The following ERC2 variants were observed in gnomAD, a reference collection of about 807,000 sequenced individuals.
ERC2 encodes the protein ERC protein 2.
In ERC2, 42 loss-of-function variants were observed where a neutral mutation model predicts 114.8. The observed-to-expected ratio is 0.37, with a 90% CI of 0.29 to 0.47. ERC2 has a LOEUF of 0.47. ERC2 is among the 20% of genes least tolerant of loss of function. The pLI is 0.99. For synonymous variants in ERC2, 454 were observed against 425.5 expected, an observed-to-expected ratio of 1.07 and a Z score of -0.82; for missense variants, 939 against 1,150.7, an observed-to-expected ratio of 0.82 and a Z score of 2.66.
At chr3:56,278,065 G>A (rs1313158731) in intron 3 of ERC2, among the ~76,000 whole-genome samples, 1 of 152,220 alleles carries the variant, frequency 6.6e-6, no homozygotes, top group African/African-American at 2.4e-5. Context: ...GGGTTGTTGT[G>A]AGGATTAAAG....
chr3:55,885,794 C>G (rs541639464), intron 14 of ERC2, among the ~76,000 whole-genome samples: 1 of 152,270 alleles, frequency 6.6e-6, no homozygotes, highest in Non-Finnish European at 1.5e-5. Flanking sequence ...GTGCCAAACT[C>G]TCTGCTGAGA....
At chr3:55,798,923 G>A (rs1436959191) in intron 14 of ERC2, among the ~76,000 whole-genome samples, 1 of 152,108 alleles carries the variant, frequency 6.6e-6, no homozygotes, top group African/African-American at 2.4e-5. Context: ...TTTTATAAAT[G>A]CTTTAGAATT....
At chr3:55,728,249 C>A (rs1438180315) in intron 15 of ERC2, among the ~76,000 whole-genome samples, 2 of 152,086 alleles carry the variant, frequency 1.3e-5, no homozygotes, top group Non-Finnish European at 2.9e-5. Flanking sequence ...ATTCTCAGTC[C>A]TTATGGAGCT....
chr3:56,246,084 C>T lies in ERC2; in HGVS notation c.1074+49935G>A, dbSNP rs1338183354. On this transcript the variant is annotated intron_variant, in intron 3 of 17. Transcript: ENST00000288221. ...TCTTCCCTAATCATCAGTTTTTCCTCAGATTCTTTAAAAAAAAAAAAAAAA... is the reference window on the plus strand; with the variant it reads ...TCTTCCCTAATCATCAGTTTTTCCTTAGATTCTTTAAAAAAAAAAAAAAAA... Among the ~76,000 whole-genome samples the T allele has an allele frequency of 2.5e-5, 3 of 119,418 alleles. No individual in the cohort carries two copies. In the Admixed American group the frequency reaches 3.1e-4, roughly 12 times the overall value. The allele number at this position is 119,418 out of a possible 152,430, so 78.3% of individuals were successfully genotyped here. A position where few individuals can be genotyped will look rare whatever the true frequency, so the allele number is the denominator to read the frequency against.
At chr3:56,249,855 C>CTT (rs34668162) in intron 3 of ERC2, among the ~76,000 whole-genome samples, 3,671 of 112,766 alleles carry the variant, frequency 0.033, 274 homozygotes, top group African/African-American at 0.078. Flanking sequence ...CATCAAATTT[C>CTT]TTTTTTTTTT....
At chr3:55,798,412 C>T (rs1575629810) in intron 14 of ERC2, among the ~76,000 whole-genome samples, 1 of 152,084 alleles carries the variant, frequency 6.6e-6, no homozygotes, top group African/African-American at 2.4e-5. Flanking sequence ...TCCTGGCTAA[C>T]ATGGTGAAAC....
At chr3:56,299,252 C>G (rs1386123488) in intron 2 of ERC2, among the ~76,000 whole-genome samples, 2 of 151,448 alleles carry the variant, frequency 1.3e-5, no homozygotes, top group Admixed American at 6.6e-5. Flanking sequence ...CTCAGCATCC[C>G]AAGTAGCTGG....
intron 13 of ERC2, among the ~76,000 whole-genome samples, chr3:55,893,957 T>C (rs886353538): frequency 1.3e-5 from 2 of 152,192 alleles, no homozygotes; most frequent in African/African-American, 2.4e-5. Flanking sequence ...ATAGTACTTA[T>C]AGTATTATAT....
rs116257117 is a variant in ERC2, at chr3:56,073,703, A to G, written c.1641+7114T>C. Among the ~76,000 whole-genome samples the G allele has an allele frequency of 5.7e-3, 873 of 152,252 alleles. 15 individuals are homozygous for G. The highest frequency in any genetic ancestry group is 0.02 in the African/African-American group (840 of 41,548). ...TTGGCAAGGAATGAGGGATCTCCCAACTCAAGAGTTCACCTTCGTCTAGTC... is the reference window on the plus strand; with the variant it reads ...TTGGCAAGGAATGAGGGATCTCCCAGCTCAAGAGTTCACCTTCGTCTAGTC... On this transcript the variant is annotated intron_variant, in intron 7 of 17. Transcript: ENST00000288221.
At chr3:55,672,346 A>C (rs1335968034) in intron 17 of ERC2, among the ~76,000 whole-genome samples, 1 of 151,994 alleles carries the variant, frequency 6.6e-6, no homozygotes, top group African/African-American at 2.4e-5. Flanking sequence ...CTCAAAAAAA[A>C]AAAAAAAAAA....
At chr3:55,614,994 C>A (rs976833617) in intron 17 of ERC2, among the ~76,000 whole-genome samples, 2 of 152,210 alleles carry the variant, frequency 1.3e-5, no homozygotes, top group African/African-American at 4.8e-5. Flanking sequence ...ATGATAGGAA[C>A]CATAAAACTA....
At chr3:56,201,272 G>C (rs2048389019) in intron 3 of ERC2, among the ~76,000 whole-genome samples, 1 of 152,138 alleles carries the variant, frequency 6.6e-6, no homozygotes, top group Admixed American at 6.6e-5. Flanking sequence ...TTGCTCCTCT[G>C]TATCCCTTCT....
chr3:55,882,516 G>A (rs750260219), intron 14 of ERC2, among the ~76,000 whole-genome samples: 14 of 152,152 alleles, frequency 9.2e-5, no homozygotes, highest in Non-Finnish European at 1.8e-4. Flanking sequence ...AATCAACCAC[G>A]GATCAGAAAT....
Position 55,630,678 on chromosome 3 carries a change from G to A in ERC2, c.*39+53116C>T, listed in dbSNP as rs1575839559. ...ACTGTAGGGGCTTCACAGAGCTCACGGGCCTCCCTGGTGGACACACCGTCA... is the reference window on the plus strand; with the variant it reads ...ACTGTAGGGGCTTCACAGAGCTCACAGGCCTCCCTGGTGGACACACCGTCA... On this transcript the variant is annotated intron_variant, in intron 17 of 17. Coordinates refer to ENST00000288221, the MANE Select transcript of ERC2 (RefSeq NM_015576.3). 2.0e-5 allele frequency among the ~76,000 whole-genome samples: 3 copies of A among 152,280 alleles called. No homozygotes were observed. The South Asian group carries it at 6.2e-4, about 32-fold the overall frequency.
intron 9 of ERC2, among the ~76,000 whole-genome samples, 179 bp downstream of exon 9, chr3:56,010,270 T>C (rs913823525): frequency 5.4e-5 from 8 of 148,668 alleles, no homozygotes; most frequent in Middle Eastern, 3.5e-3. Context: ...GCATCACAGA[T>C]GAAGGAAGTT....
chr3:56,337,844 C>T (rs569884698), intron 2 of ERC2, among the ~76,000 whole-genome samples: 18 of 152,234 alleles, frequency 1.2e-4, no homozygotes, highest in Admixed American at 3.3e-4. Context: ...CTGGAGACAA[C>T]CCAAATATCC....
intron 3 of ERC2, among the ~76,000 whole-genome samples, chr3:56,237,899 T>A (rs1319022566): frequency 2.0e-5 from 3 of 151,858 alleles, no homozygotes; most frequent in Non-Finnish European, 4.4e-5. Flanking sequence ...TCCTTTTTTT[T>A]TTTTTTGCAC....
chr3:55,766,754 T>C (rs777951910), intron 14 of ERC2: 2 of 152,228 alleles, frequency 1.3e-5, no homozygotes, highest in Admixed American at 6.5e-5. Context: ...GATGCAGTTA[T>C]GGACACAGCT....
intron 14 of ERC2, among the ~76,000 whole-genome samples, chr3:55,799,042 G>A (rs2070758337): frequency 6.6e-6 from 1 of 152,130 alleles, no homozygotes; most frequent in South Asian, 2.1e-4. Flanking sequence ...GAGTTAATGT[G>A]TGTTCTCATC....
Sources: gnomAD v4.1 joint callset for allele counts (sites outside exome capture counted in the v4.1 genomes callset) on GRCh38, gnomAD v4.1.1 for gene constraint, MANE v1.5 for transcripts, NCBI Gene and HGNC (gene_info 2026-07-23, HGNC 2026-07-21) for gene names.